The following ZNF469 variants were observed in gnomAD, a reference collection of about 807,000 sequenced individuals.
ZNF469 encodes zinc finger protein 469.
Under a neutral mutation model 1.0 loss-of-function variants are expected in ZNF469, and 1 was observed. The observed-to-expected ratio is 1.00, with a 90% confidence interval of 0.35 to 4.73. ZNF469 has a LOEUF of 4.73. ZNF469 is among the 30% of genes most tolerant of loss of function. ZNF469 has a pLI of 0.16. For synonymous variants in ZNF469, 2,703 were observed against 2,363.4 expected, an observed-to-expected ratio of 1.14 and a Z score of -4.17; for missense variants, 6,100 against 5,356.3, an observed-to-expected ratio of 1.14 and a Z score of -4.33.
the ZNF469 span, among the ~76,000 whole-genome samples, chr16:88,180,285 A>T: frequency 1.3e-5 from 2 of 152,056 alleles, no homozygotes; most frequent in Non-Finnish European, 2.9e-5. Flanking sequence ...TAAAAACAAG[A>T]TCCAACTCTA....
chr16:88,236,816 G>A, the ZNF469 span, among the ~76,000 whole-genome samples: 3 of 151,340 alleles, frequency 2.0e-5, no homozygotes, highest in East Asian at 5.8e-4. Flanking sequence ...GCTGTGAGCC[G>A]AGCTAGTGCC....
the ZNF469 span, among the ~76,000 whole-genome samples, chr16:88,208,777 G>A: frequency 4.0e-3 from 523 of 129,972 alleles, 2 homozygotes; most frequent in African/African-American, 0.011. Context: ...GCGCGTGCGC[G>A]CGCACACACA....
At position 88,433,143 on chromosome 16, in the gene ZNF469, G is replaced by A; in HGVS notation, c.5673G>A (p.Arg1891=). 6.5e-7 allele frequency: 1 copy of A among 1,550,342 alleles called. No homozygotes were observed. Among genetic ancestry groups the A allele is most frequent in the Non-Finnish European group, 8.7e-7 (1 of 1,146,948 alleles). ...GTGTATCCAACACCCACCCTAGCAGGAGGTCCCAGGACCCAGCTTTGAGCC... is the reference window on the plus strand; with the variant it reads ...GTGTATCCAACACCCACCCTAGCAGAAGGTCCCAGGACCCAGCTTTGAGCC... The part of the protein sequence containing the change: ...PACVSNTHPS[R]RSQDPALSPP... Residue 1891 remains arginine (R), a synonymous_variant, in exon 3 of 3, where the codon AGG becomes AGA. Transcript: ENST00000565624.
chr16:88,359,420 C>T, the ZNF469 span, among the ~76,000 whole-genome samples: 484 of 152,150 alleles, frequency 3.2e-3, 3 homozygotes, highest in African/African-American at 0.011. Context: ...GGTATCCTGC[C>T]CACATTTGCT....
Position 88,439,002 on chromosome 16 carries a change from C to T in ZNF469, c.11532C>T (p.Pro3844=), listed in dbSNP as rs1177735361. 4 of 1,550,386 alleles carry T rather than the reference C, an allele frequency of 2.6e-6. No homozygotes were observed. The highest frequency in any genetic ancestry group is 3.5e-6 in the Non-Finnish European group (4 of 1,146,970). ...GAGCCCCCTCAGCCCCTGACAAGCCCCCCCGGACCCCTCGGAAGCAGGCAA... is the reference window on the plus strand; with the variant it reads ...GAGCCCCCTCAGCCCCTGACAAGCCTCCCCGGACCCCTCGGAAGCAGGCAA... ...FGRAPSAPDK[P]PRTPRKQATP... Residue 3844 remains proline, a synonymous_variant, in exon 3 of 3, where the codon CCC becomes CCT. Coordinates refer to ENST00000565624, the MANE Select transcript of ZNF469 (RefSeq NM_001367624.2).
At chr16:88,308,906 G>C in the ZNF469 span, among the ~76,000 whole-genome samples, 1 of 152,132 alleles carries the variant, frequency 6.6e-6, no homozygotes, top group African/African-American at 2.4e-5. Context: ...CTCCACATTT[G>C]CATCAAGGCT....
the ZNF469 span, among the ~76,000 whole-genome samples, chr16:88,296,628 A>G: frequency 6.6e-6 from 1 of 151,774 alleles, no homozygotes. Context: ...ACTCATGCAC[A>G]CTCACATACG....
Position 88,427,904 on chromosome 16 carries a change from C to T in ZNF469, c.434C>T (p.Ala145Val), listed in dbSNP as rs1905800342. 1.3e-6 allele frequency: 2 copies of T among 1,549,828 alleles called. No homozygotes were observed. Among genetic ancestry groups the T allele is most frequent in the Non-Finnish European group, 1.7e-6 (2 of 1,146,820 alleles). ...ETPENPQLEA[A>V]QLPEVDTPQG... ...CCAGAGAACCCACAGCTGGAGGCTG[C>T]CCAGCTCCCTGAGGTGGACACCCCC... The change falls in exon 3 of 3, where the codon GCC becomes GTC. Residue 145 changes from alanine (A) to valine (V), a missense_variant. Coordinates refer to ENST00000565624, the MANE Select transcript of ZNF469 (RefSeq NM_001367624.2).
chr16:88,238,142 C>G, the ZNF469 span, among the ~76,000 whole-genome samples: 7 of 152,390 alleles, frequency 4.6e-5, no homozygotes, highest in East Asian at 1.9e-4. Context: ...TCTCTGTGCT[C>G]CGCCCCTCCC....
the ZNF469 span, among the ~76,000 whole-genome samples, chr16:88,243,953 A>ATATATATATAT: frequency 1.5e-4 from 6 of 38,860 alleles, no homozygotes; most frequent in Non-Finnish European, 2.9e-4. Context: ...TATATATATA[A>ATATATATATAT]ATGTATGTGT....
At chr16:88,272,947 C>A in the ZNF469 span, among the ~76,000 whole-genome samples, 1 of 134,272 alleles carries the variant, frequency 7.4e-6, no homozygotes, top group South Asian at 2.5e-4. Context: ...GATGGATGAA[C>A]GGGTGGGTGT....
the ZNF469 span, among the ~76,000 whole-genome samples, chr16:88,176,575 A>G: frequency 6.6e-6 from 1 of 152,218 alleles, no homozygotes; most frequent in Admixed American, 6.5e-5. Flanking sequence ...CCTCTCTCCC[A>G]TGAAATTAAA....
Position 88,432,497 on chromosome 16 carries a change from A to C in ZNF469, c.5027A>C (p.Gln1676Pro). ...PGHAALLPCA[Q>P]EDLVSGAPFS... ...CATGCAGCCCTTCTCCCCTGTGCCC[A>C]GGAAGACCTGGTTTCTGGGGCTCCT... The change falls in exon 3 of 3, where the codon CAG becomes CCG. Residue 1676 changes from glutamine (Q) to proline (P), a missense_variant. Transcript: ENST00000565624. 6.5e-6 allele frequency: 10 copies of C among 1,550,358 alleles called. No homozygotes were observed. The highest frequency in any genetic ancestry group is 3.6e-5 in the South Asian group (3 of 84,062).
the ZNF469 span, among the ~76,000 whole-genome samples, chr16:88,141,623 G>T: frequency 6.6e-6 from 1 of 152,214 alleles, no homozygotes; most frequent in African/African-American, 2.4e-5. Flanking sequence ...AGTAGGGCCT[G>T]TGCAGATGGG....
intron 1 of ZNF469, among the ~76,000 whole-genome samples, chr16:88,404,940 G>GCT (rs1430786006): frequency 6.6e-6 from 1 of 152,158 alleles, no homozygotes; most frequent in Non-Finnish European, 1.5e-5. Flanking sequence ...GACTCTATTG[G>GCT]CTCACATAAC....
chr16:88,198,386 G>T, the ZNF469 span, among the ~76,000 whole-genome samples: 5 of 152,310 alleles, frequency 3.3e-5, no homozygotes, highest in Non-Finnish European at 5.9e-5. Context: ...GCCTCCTCCG[G>T]TGGGGGGCTG....
At chr16:88,201,172 C>A in the ZNF469 span, among the ~76,000 whole-genome samples, 2 of 152,384 alleles carry the variant, frequency 1.3e-5, no homozygotes, top group African/African-American at 2.4e-5. The surrounding 1 kb of genome is among the most constrained non-coding windows in gnomAD (Gnocchi z 5.0). Context: ...GGGGTGGCAA[C>A]CTCTTTTCCA....
chr16:88,193,331 C>T, the ZNF469 span, among the ~76,000 whole-genome samples: 5 of 126,516 alleles, frequency 4.0e-5, no homozygotes, highest in South Asian at 2.8e-4. Flanking sequence ...ATGGTGGTGA[C>T]GGTGGTGATG....
the ZNF469 span, among the ~76,000 whole-genome samples, chr16:88,190,863 A>G: frequency 6.6e-6 from 1 of 152,244 alleles, no homozygotes; most frequent in Non-Finnish European, 1.5e-5. Flanking sequence ...ACTTTAGAAC[A>G]ATAGATGTTC....
Sources: gnomAD v4.1 joint callset for allele counts (sites outside exome capture counted in the v4.1 genomes callset) on GRCh38, gnomAD v4.1.1 for gene constraint, Gnocchi (gnomAD v3.1) non-coding constraint, MANE v1.5 for transcripts, NCBI Gene and HGNC (gene_info 2026-07-23, HGNC 2026-07-21) for gene names.